Variants in EPHA8 observed in about 807,000 individuals in gnomAD.
EPHA8 encodes EPH receptor A8, also known as ephrin type-A receptor 8.
A neutral mutation model predicts 103.6 loss-of-function variants in EPHA8; 58 were observed. That is an observed-to-expected ratio of 0.56 (90% CI 0.45 to 0.70). The LOEUF (loss-of-function observed/expected upper bound fraction) is 0.70, where lower values mean the gene tolerates loss of function less well. EPHA8 is among the 30% of genes least tolerant of loss of function. EPHA8 has a pLI of 0.00. For synonymous variants in EPHA8, 559 were observed against 572.5 expected (o/e 0.98, Z 0.34); for missense variants, 1,304 against 1,395.2 (o/e 0.93, Z 1.04).
intron 3 of EPHA8, among the ~76,000 whole-genome samples, chr1:22,579,119 GTGTA>G (rs1557562493): frequency 8.0e-6 from 1 of 125,694 alleles, no homozygotes; most frequent in Non-Finnish European, 1.8e-5. Context: ...GCATGTGTAC[GTGTA>G]TGTGTGCATG....
chr1:22,589,176 G>T lies in EPHA8; in HGVS notation c.1285G>T (p.Ala429Ser). ...CCTGAGCCCCGAGCCCCGCCGGGCC[G>T]CTGTGGTCAACATCACCACGAACCA... Reference protein sequence around the residue: ...SDLSPEPRRAAVVNITTNQAA... With the variant: ...SDLSPEPRRASVVNITTNQAA... The change falls in exon 5 of 17, where the codon GCT becomes TCT. Residue 429 changes from alanine (A) to serine (S), a missense_variant. Ala to Ser is a moderately conservative substitution (Grantham distance 99). Coordinates refer to ENST00000166244, the MANE Select transcript of EPHA8 (RefSeq NM_020526.5). The surrounding 1 kb of genome is among the most constrained non-coding windows in gnomAD (Gnocchi z 4.3). The T allele has an allele frequency of 6.2e-7, 1 of 1,613,848 alleles. No individual in the cohort carries two copies. The highest frequency in any genetic ancestry group is 1.3e-5 in the African/African-American group (1 of 75,056).
Position 22,598,466 on chromosome 1 carries a change from G to A in EPHA8, c.2178+254G>A, listed in dbSNP as rs1307745522. ...ACAGGCTGAGGGGGGTGCCTCTGTG[G>A]GAATCCAGGCCCCACCCAGCTGGGG... On this transcript the variant is annotated intron_variant, in intron 12 of 16. Coordinates refer to ENST00000166244, the MANE Select transcript of EPHA8 (RefSeq NM_020526.5). This position sits in a 1 kb window ranked among gnomAD's most constrained non-coding sequence, Gnocchi z 5.1. Among the ~76,000 whole-genome samples, 1 of 152,170 alleles carries A rather than the reference G, an allele frequency of 6.6e-6. No individual in the cohort carries two copies. Among genetic ancestry groups the A allele is most frequent in the Admixed American group, 6.5e-5 (1 of 15,284 alleles).
intron 2 of EPHA8, among the ~76,000 whole-genome samples, chr1:22,570,715 G>A (rs1640520454): frequency 6.6e-6 from 1 of 152,250 alleles, no homozygotes; most frequent in African/African-American, 2.4e-5. Flanking sequence ...CCCGGGAGCT[G>A]GGGGCAGGCC....
Position 22,589,771 on chromosome 1 carries a change from C to A in EPHA8, c.1315+565C>A. 1.2e-6 allele frequency: 1 copy of A among 825,100 alleles called. No individual in the cohort carries two copies. Among genetic ancestry groups the A allele is most frequent in the Non-Finnish European group, 1.5e-6 (1 of 680,532 alleles). The allele number at this position is 825,100 out of a possible 1,614,324, so 51.1% of individuals were successfully genotyped here. A position where few individuals can be genotyped will look rare whatever the true frequency, so the allele number is the denominator to read the frequency against. The stretch of plus-strand genomic sequence containing the variant: ...CCCGGAACCTCTTTCTTCCCAAACT[C>A]TGGAGGACCCTGCCCGTCAAGTGAC... On this transcript the variant is annotated intron_variant, in intron 5 of 16. Transcript: ENST00000166244. The surrounding 1 kb of genome is among the most constrained non-coding windows in gnomAD (Gnocchi z 4.3).
In EPHA8 at chr1:22,597,869, C is replaced by A; in HGVS notation, c.2116+8C>A. Reference sequence around the variant, plus strand: ...AGGGTGTCGTCACCCGTGGTAGGTGCCGGGCAAAGACAGCCTCCCCCTGCA... The same window carrying A: ...AGGGTGTCGTCACCCGTGGTAGGTGACGGGCAAAGACAGCCTCCCCCTGCA... On this transcript the variant is annotated splice_region_variant and intron_variant, in intron 11 of 16. Coordinates refer to ENST00000166244, the MANE Select transcript of EPHA8 (RefSeq NM_020526.5). This position sits in a 1 kb window ranked among gnomAD's most constrained non-coding sequence, Gnocchi z 4.6. 6.2e-7 allele frequency: 1 copy of A among 1,601,862 alleles called. No individual in the cohort carries two copies. Among genetic ancestry groups the A allele is most frequent in the South Asian group, 1.1e-5 (1 of 89,034 alleles).
chr1:22,600,154 GAAGGAGGGAGGCAGGA>G (rs1641675543), intron 13 of EPHA8, among the ~76,000 whole-genome samples: 17 of 118,578 alleles, frequency 1.4e-4, no homozygotes, highest in Non-Finnish European at 2.7e-4. Context: ...GGGAGGGAGG[GAAGGAGGGAGGCAGGA>G]AGGAAGGAAA....
intron 2 of EPHA8, among the ~76,000 whole-genome samples, chr1:22,570,251 C>T (rs934905903): frequency 6.7e-6 from 1 of 149,000 alleles, no homozygotes; most frequent in Non-Finnish European, 1.5e-5. Context: ...CACACATGCA[C>T]ACACACGCAC....
rs1284225353 is a variant in EPHA8, at chr1:22,598,835, C to G, written c.2179-3C>G. 1 of 1,611,990 alleles carries G rather than the reference C, an allele frequency of 6.2e-7. No homozygotes were observed. The highest frequency in any genetic ancestry group is 1.1e-5 in the South Asian group (1 of 91,010). Reference sequence around the variant, plus strand: ...CTGAAGTCCAAGCCATGTCCCCCTGCAGACCCACGACGGGCAGTTCACCAT... The same window carrying G: ...CTGAAGTCCAAGCCATGTCCCCCTGGAGACCCACGACGGGCAGTTCACCAT... On this transcript the variant is annotated splice_region_variant and splice_polypyrimidine_tract_variant and intron_variant, in intron 12 of 16. Coordinates refer to ENST00000166244, the MANE Select transcript of EPHA8 (RefSeq NM_020526.5). This position sits in a 1 kb window ranked among gnomAD's most constrained non-coding sequence, Gnocchi z 5.1.
At chr1:22,578,497 C>T (rs973005273) in intron 3 of EPHA8, among the ~76,000 whole-genome samples, 7 of 110,556 alleles carry the variant, frequency 6.3e-5, no homozygotes, top group African/African-American at 2.3e-4. Context: ...TGCATGTGTG[C>T]ATGAGTGCAT....
Position 22,601,069 on chromosome 1 carries a change from G to A in EPHA8, c.2710G>A (p.Ala904Thr). Residue 904 changes from alanine (A) to threonine (T), a missense_variant, in exon 15 of 17, where the codon GCC becomes ACC. Physicochemically the swap from Ala to Thr is moderately conservative, Grantham distance 58. Coordinates refer to ENST00000166244, the MANE Select transcript of EPHA8 (RefSeq NM_020526.5). ...CATCCGCAGCCCTGAGAGTCTCAGG[G>A]CCACCGCCACAGTCAGCAGGTGCCT... Reference protein sequence around the residue: ...ALIRSPESLRATATVSRCPPP... With the variant: ...ALIRSPESLRTTATVSRCPPP... 1 of 1,608,224 alleles carries A rather than the reference G, an allele frequency of 6.2e-7. No individual in the cohort carries two copies. The highest frequency in any genetic ancestry group is 8.5e-7 in the Non-Finnish European group (1 of 1,177,322).
chr1:22,595,120 TC>T, intron 7 of EPHA8, 109 bp from the exon 8 acceptor site: 1 of 825,028 alleles, frequency 1.2e-6, no homozygotes. Flanking sequence ...GGCTCTGGGC[TC>T]CCCACTGGCC....
intron 4 of EPHA8, among the ~76,000 whole-genome samples, chr1:22,588,139 C>G (rs1557570995): frequency 6.6e-6 from 1 of 152,214 alleles, no homozygotes; most frequent in African/African-American, 2.4e-5. Flanking sequence ...ATTCCAAGAT[C>G]TTACAATTCT....
At chr1:22,583,395 G>A (rs191546471) in intron 3 of EPHA8, among the ~76,000 whole-genome samples, 57 of 152,360 alleles carry the variant, frequency 3.7e-4, no homozygotes, top group South Asian at 6.2e-4. Context: ...GAGAACTGCC[G>A]ACTGGTGAGC....
chr1:22,570,303 C>T (rs989484902), intron 2 of EPHA8, among the ~76,000 whole-genome samples: 4 of 147,466 alleles, frequency 2.7e-5, no homozygotes, highest in East Asian at 2.0e-4. Flanking sequence ...CACATGCACA[C>T]GTGTGCGTGT....
At position 22,601,083 on chromosome 1, in the gene EPHA8, C is replaced by G. The variant is rs374682749; in HGVS notation, c.2724C>G (p.Val908=). The G allele has an allele frequency of 5.9e-5, 94 of 1,603,852 alleles. 1 individual carries two copies. Among genetic ancestry groups the G allele is most frequent in the Non-Finnish European group, 7.7e-5 (90 of 1,175,244 alleles). ...SPESLRATAT[V]SRCPPPAFVR... is the part of the protein sequence containing the mutation. ...AGAGTCTCAGGGCCACCGCCACAGT[C>G]AGCAGGTGCCTTGTGCCCACCCCAG... The change falls in exon 15 of 17, where the codon GTC becomes GTG. Residue 908 remains valine (V), a synonymous_variant. Coordinates refer to ENST00000166244, the MANE Select transcript of EPHA8 (RefSeq NM_020526.5).
In EPHA8 at chr1:22,594,941, G is replaced by A. The variant is rs565469617; in HGVS notation, c.1604-289G>A. On this transcript the variant is annotated intron_variant, in intron 7 of 16. Coordinates refer to ENST00000166244, the MANE Select transcript of EPHA8 (RefSeq NM_020526.5). Reference sequence around the variant, plus strand: ...TAACAGGGAGGACAGGCATTTATTGGCTCAGAGGACACGCGACTCTTCTCC... The same window carrying A: ...TAACAGGGAGGACAGGCATTTATTGACTCAGAGGACACGCGACTCTTCTCC... 1.1e-3 allele frequency among the ~76,000 whole-genome samples: 160 copies of A among 152,316 alleles called. 1 individual carries two copies. Among genetic ancestry groups the A allele is most frequent in the African/African-American group, 3.8e-3 (156 of 41,560 alleles).
chr1:22,596,977 T>C (rs1641536002), intron 9 of EPHA8, among the ~76,000 whole-genome samples: 1 of 152,134 alleles, frequency 6.6e-6, no homozygotes, highest in Non-Finnish European at 1.5e-5. Context: ...TTTCAATGAA[T>C]CAAAGTTGAC....
chr1:22,601,307 C>A lies in EPHA8; in HGVS notation c.2737C>A (p.Pro913Thr). ...AGAGCCCCTGTGCCTCAGGTGCCCA[C>A]CCCCTGCCTTCGTCCGGAGCTGCTT... ...RATATVSRCP[P>T]PAFVRSCFDL... The change falls in exon 16 of 17, where the codon CCC becomes ACC. Residue 913 changes from proline to threonine, a missense_variant. Transcript: ENST00000166244. 1 of 1,599,576 alleles carries A rather than the reference C, an allele frequency of 6.3e-7. No individual in the cohort carries two copies. Among genetic ancestry groups the A allele is most frequent in the Non-Finnish European group, 8.5e-7 (1 of 1,175,638 alleles).
At chr1:22,565,216 C>T (rs113366040) in intron 1 of EPHA8, among the ~76,000 whole-genome samples, 3,359 of 152,284 alleles carry the variant, frequency 0.022, 131 homozygotes, top group African/African-American at 0.077. Flanking sequence ...TCCATGCCCA[C>T]GGAAATGCAT....
Sources: allele counts gnomAD v4.1 joint callset (sites outside exome capture counted in the v4.1 genomes callset), GRCh38; gene constraint gnomAD v4.1.1; non-coding constraint Gnocchi (gnomAD v3.1); transcripts MANE v1.5; gene names NCBI Gene and HGNC (gene_info 2026-07-23, HGNC 2026-07-21).